SHANK2: variants seen among roughly 807,000 people sequenced by gnomAD.
SHANK2 encodes SH3 and multiple ankyrin repeat domains 2.
In SHANK2, 43 loss-of-function variants were observed where a neutral mutation model predicts 133.7. The ratio of observed to expected loss-of-function variants is 0.32; its 90% CI spans 0.25 to 0.41. SHANK2 has a LOEUF of 0.41. Among genes scored for constraint, SHANK2 ranks in the 10% least tolerant of loss-of-function variants. SHANK2 has a pLI of 1.00. For missense variants in SHANK2, 1,994 were observed against 2,235.8 expected (o/e 0.89, Z 2.18); for synonymous variants, 1,017 against 952.8 (o/e 1.07, Z -1.24).
rs568491700 is a variant in SHANK2 at position 70,575,287 on chromosome 11, G to A, written c.2062-72356C>T. ...AGTACTTTGGGAGGCCAAGGTGGGCGGATCACCTGAGGTCAGGAGATTGAG... is the reference window on the plus strand; with the variant it reads ...AGTACTTTGGGAGGCCAAGGTGGGCAGATCACCTGAGGTCAGGAGATTGAG... On this transcript the variant is annotated intron_variant, in intron 17 of 25. Transcript: ENST00000601538. 3.9e-5 allele frequency among the ~76,000 whole-genome samples: 6 copies of A among 152,214 alleles called. 1 individual carries two copies. Among genetic ancestry groups the A allele is most frequent in the South Asian group, 2.1e-4 (1 of 4,820 alleles).
intron 14 of SHANK2, among the ~76,000 whole-genome samples, chr11:70,741,089 C>T (rs577463710): frequency 6.6e-6 from 1 of 152,258 alleles, no homozygotes; most frequent in South Asian, 2.1e-4. Flanking sequence ...ATAAACTGAG[C>T]TATTGCTCAT....
At chr11:70,564,713 A>T (rs1554981538) in intron 17 of SHANK2, among the ~76,000 whole-genome samples, 1 of 151,974 alleles carries the variant, frequency 6.6e-6, no homozygotes, top group Non-Finnish European at 1.5e-5. Flanking sequence ...CACTCAGGAT[A>T]GTTTCTATTG....
At chr11:70,598,908 A>C (rs2136306609) in intron 17 of SHANK2, among the ~76,000 whole-genome samples, 1 of 142,124 alleles carries the variant, frequency 7.0e-6, no homozygotes, top group South Asian at 2.2e-4. Flanking sequence ...AAATACTTTA[A>C]CCTGATAAGC....
rs1555022933 is a variant in SHANK2 at position 70,698,770 on chromosome 11, A to G, written c.1778-7T>C. ...CTGCGGTCAGCGCGGGTTTCTGTAC[A>G]GAGAGGGAAGAGAAACACCATTCAG... On this transcript the variant is annotated splice_region_variant and splice_polypyrimidine_tract_variant and intron_variant, in intron 14 of 25. Coordinates refer to ENST00000601538, the MANE Select transcript of SHANK2 (RefSeq NM_012309.5). The G allele has an allele frequency of 9.7e-6, 7 of 718,452 alleles. No individual in the cohort carries two copies. The highest frequency in any genetic ancestry group is 1.8e-5 in the Non-Finnish European group (7 of 385,098). The allele number at this position is 718,452 out of a possible 1,614,324, so 44.5% of individuals were successfully genotyped here.
intron 17 of SHANK2, among the ~76,000 whole-genome samples, chr11:70,599,825 G>GAAGA (rs2060455681): frequency 7.1e-6 from 1 of 140,998 alleles, no homozygotes; most frequent in Non-Finnish European, 1.5e-5. Context: ...GAGAAGGAAG[G>GAAGA]AAGGAAGGAA....
chr11:70,611,977 G>A (rs2060663987), intron 17 of SHANK2, among the ~76,000 whole-genome samples: 1 of 147,524 alleles, frequency 6.8e-6, no homozygotes, highest in Admixed American at 6.7e-5. Context: ...GGGGCGGGTG[G>A]CGAGGGGCGT....
At chr11:71,195,068 C>G (rs1308138868) in intron 2 of SHANK2, among the ~76,000 whole-genome samples, 1 of 152,194 alleles carries the variant, frequency 6.6e-6, no homozygotes, top group East Asian at 1.9e-4. Context: ...TCACTTTTTA[C>G]GTAGGGCACC....
chr11:70,658,230 C>G (rs903597228), intron 17 of SHANK2, among the ~76,000 whole-genome samples: 1 of 124,298 alleles, frequency 8.0e-6, no homozygotes, highest in South Asian at 2.6e-4. Context: ...CACACACACA[C>G]ACACACACAC....
At chr11:70,886,003 T>C (rs1949737463) in intron 11 of SHANK2, among the ~76,000 whole-genome samples, 1 of 151,844 alleles carries the variant, frequency 6.6e-6, no homozygotes, top group African/African-American at 2.4e-5. Context: ...GACATGAAAA[T>C]GACACCAAGC....
intron 11 of SHANK2, among the ~76,000 whole-genome samples, chr11:70,874,674 TAAAAAAAA>T (rs34587004): frequency 2.6e-4 from 30 of 114,180 alleles, no homozygotes; most frequent in African/African-American, 9.5e-4. Context: ...CTGCATTTAC[TAAAAAAAA>T]AAAAAAAAAA....
chr11:71,185,471 C>A (rs1226774281), intron 2 of SHANK2, among the ~76,000 whole-genome samples: 4 of 152,184 alleles, frequency 2.6e-5, no homozygotes, highest in African/African-American at 9.6e-5. Context: ...ATTATATAGA[C>A]CAACTGTGAA....
intron 15 of SHANK2, among the ~76,000 whole-genome samples, chr11:70,662,686 G>A (rs1555013799): frequency 1.3e-5 from 2 of 151,104 alleles, no homozygotes; most frequent in African/African-American, 2.5e-5. Flanking sequence ...TCTAGCCATG[G>A]CATTTTTTTT....
intron 7 of SHANK2, among the ~76,000 whole-genome samples, chr11:71,094,001 G>A (rs1399209500): frequency 6.6e-6 from 1 of 152,124 alleles, no homozygotes; most frequent in African/African-American, 2.4e-5. Context: ...AGGGGAAGGT[G>A]AGGCGCGGAA....
intron 10 of SHANK2, among the ~76,000 whole-genome samples, chr11:70,908,535 T>C (rs1950142865): frequency 6.6e-6 from 1 of 152,220 alleles, no homozygotes. Flanking sequence ...GACATGGTCA[T>C]GGGGATCTGC....
In SHANK2 at chr11:71,243,522, G is replaced by A. The variant is rs573980137; in HGVS notation, c.-113+8903C>T. Among the ~76,000 whole-genome samples, 19 of 152,134 alleles carry A rather than the reference G, an allele frequency of 1.2e-4. No homozygotes were observed. In the East Asian group the frequency reaches 2.9e-3, roughly 23 times the overall value. ...ATCCTGGCTAGCACGGTGAAACCCC[G>A]TCTCTACTAAAAATACAAAAAAATT... is the stretch of plus-strand genomic sequence containing the variant. On this transcript the variant is annotated intron_variant, in intron 1 of 25. Coordinates refer to ENST00000601538, the MANE Select transcript of SHANK2 (RefSeq NM_012309.5).
At chr11:70,710,187 C>T (rs912217713) in intron 14 of SHANK2, among the ~76,000 whole-genome samples, 1 of 152,164 alleles carries the variant, frequency 6.6e-6, no homozygotes, top group African/African-American at 2.4e-5. Flanking sequence ...GGGCCTTGAC[C>T]CCTACTGGCT....
intron 15 of SHANK2, among the ~76,000 whole-genome samples, chr11:70,672,197 G>A (rs1278090294): frequency 1.3e-5 from 2 of 151,646 alleles, no homozygotes; most frequent in Non-Finnish European, 2.9e-5. Flanking sequence ...CTGAGTAGCT[G>A]GGATTACAGG....
intron 10 of SHANK2, among the ~76,000 whole-genome samples, chr11:70,920,483 T>C (rs1950334484): frequency 6.6e-6 from 1 of 152,248 alleles, no homozygotes. Flanking sequence ...TAACTTGGTT[T>C]ATAGATTTGA....
intron 3 of SHANK2, among the ~76,000 whole-genome samples, chr11:71,141,773 A>G (rs1241459703): frequency 6.6e-6 from 1 of 152,198 alleles, no homozygotes; most frequent in African/African-American, 2.4e-5. Context: ...AAAGGCAAAC[A>G]GATGGCCAAA....
Sources: gnomAD v4.1 joint callset for allele counts (sites outside exome capture counted in the v4.1 genomes callset) on GRCh38, gnomAD v4.1.1 for gene constraint, MANE v1.5 for transcripts, NCBI Gene and HGNC (gene_info 2026-07-23, HGNC 2026-07-21) for gene names.